The following LRRC28 variants were observed in gnomAD, a reference collection of about 807,000 sequenced individuals.
The protein encoded by LRRC28 is leucine-rich repeat-containing protein 28.
Under a neutral mutation model 45.7 loss-of-function variants are expected in LRRC28, and 39 were observed. That is an observed-to-expected ratio of 0.85 (90% CI 0.66 to 1.12). The LOEUF (loss-of-function observed/expected upper bound fraction) is 1.12, where lower values mean the gene tolerates loss of function less well. Among genes scored for constraint, LRRC28 ranks in the 50% most tolerant of loss-of-function variants. The pLI, the probability that LRRC28 is intolerant of heterozygous loss-of-function variation, is 0.00. For synonymous variants in LRRC28, 206 were observed against 178.8 expected, an observed-to-expected ratio of 1.15 and a Z score of -1.22; for missense variants, 435 against 438.5, an observed-to-expected ratio of 0.99 and a Z score of 0.07.
intron 6 of LRRC28, among the ~76,000 whole-genome samples, chr15:99,339,543 C>A (rs1956435699): frequency 6.6e-6 from 1 of 152,076 alleles, no homozygotes; most frequent in African/African-American, 2.4e-5. Context: ...CCAGCCTGGC[C>A]AAGATGGTGA....
At chr15:99,295,312 T>C (rs2082234780) in intron 5 of LRRC28, among the ~76,000 whole-genome samples, 1 of 152,246 alleles carries the variant, frequency 6.6e-6, no homozygotes, top group African/African-American at 2.4e-5. Context: ...ACTATAACAT[T>C]ATTTGTCATA....
chr15:99,263,172 G>T (rs1455640948), intron 2 of LRRC28, among the ~76,000 whole-genome samples: 1 of 146,444 alleles, frequency 6.8e-6, no homozygotes, highest in Non-Finnish European at 1.5e-5. Flanking sequence ...AAAAAAAATA[G>T]CTGGTTGTGG....
intron 2 of LRRC28, chr15:99,257,561 A>AC (rs2081058853): frequency 7.5e-6 from 4 of 532,798 alleles, no homozygotes; most frequent in African/African-American, 5.7e-5. Context: ...TGAGGATCCA[A>AC]CCCGGGGGTG....
chr15:99,355,335 G>A (rs536488136), intron 7 of LRRC28: 1 of 152,290 alleles, frequency 6.6e-6, no homozygotes, highest in South Asian at 2.1e-4. Flanking sequence ...TGTATAGCAT[G>A]GAACTGTGTT....
intron 9 of LRRC28, among the ~76,000 whole-genome samples, chr15:99,383,639 C>G (rs1957896554): frequency 6.6e-6 from 1 of 152,208 alleles, no homozygotes; most frequent in African/African-American, 2.4e-5. Flanking sequence ...ATTTTTCTCT[C>G]TCACCTCTGA....
At chr15:99,257,036 A>G (rs1203739717) in intron 2 of LRRC28, among the ~76,000 whole-genome samples, 9 of 152,206 alleles carry the variant, frequency 5.9e-5, no homozygotes, top group African/African-American at 2.2e-4. Flanking sequence ...AATATCTGGA[A>G]ATTGTATCTT....
At chr15:99,382,915 G>A (rs1002084035) in intron 9 of LRRC28, among the ~76,000 whole-genome samples, 1 of 151,694 alleles carries the variant, frequency 6.6e-6, no homozygotes, top group African/African-American at 2.4e-5. Context: ...TTCTATTTTT[G>A]GATTTATCTA....
rs915775579 is a variant in LRRC28, at chr15:99,256,322, G to A, written c.168+197G>A. 6.6e-5 allele frequency: 28 copies of A among 422,858 alleles called. No individual in the cohort carries two copies. The South Asian group carries it at 7.3e-4, about 11-fold the overall frequency. The allele number at this position is 422,858 out of a possible 1,614,324, so 26.2% of individuals were successfully genotyped here. Reference sequence around the variant, plus strand: ...AAGTTCGTGCAGTTATGAGGTTGCCGGAGAAGTTGTGTAGGAAAGCAAAAT... The same window carrying A: ...AAGTTCGTGCAGTTATGAGGTTGCCAGAGAAGTTGTGTAGGAAAGCAAAAT... On this transcript the variant is annotated intron_variant, in intron 2 of 9. Transcript: ENST00000301981.
chr15:99,380,285 T>A (rs1957778489), intron 9 of LRRC28, among the ~76,000 whole-genome samples: 1 of 152,248 alleles, frequency 6.6e-6, no homozygotes. Context: ...CCTTTACCAT[T>A]ATGTAATGGC....
intron 2 of LRRC28, among the ~76,000 whole-genome samples, chr15:99,266,940 G>A (rs948451134): frequency 2.0e-4 from 31 of 152,152 alleles, no homozygotes; most frequent in African/African-American, 7.0e-4. Flanking sequence ...AGTTGGAGAT[G>A]GATGGAGAGT....
At chr15:99,371,182 G>C (rs1957474609) in intron 9 of LRRC28, among the ~76,000 whole-genome samples, 1 of 152,170 alleles carries the variant, frequency 6.6e-6, no homozygotes, top group South Asian at 2.1e-4. Flanking sequence ...TAACTCAAAA[G>C]ACTCATCCTC....
In LRRC28 at chr15:99,386,974, C is replaced by G. The variant is rs1432619355; in HGVS notation, c.*872C>G. ...CACATTGAAATAAGACCTCCGTGTTCTTTTTTGATGGGTTTATGATTCAGT... is the reference window on the plus strand; with the variant it reads ...CACATTGAAATAAGACCTCCGTGTTGTTTTTTGATGGGTTTATGATTCAGT... On this transcript the variant is annotated 3_prime_UTR_variant, in exon 10 of 10. Coordinates refer to ENST00000301981, the MANE Select transcript of LRRC28 (RefSeq NM_144598.5). 1 of 152,046 alleles carries G rather than the reference C, an allele frequency of 6.6e-6. No homozygotes were observed. The highest frequency in any genetic ancestry group is 2.4e-5 in the African/African-American group (1 of 41,368). 9.4% of individuals were successfully genotyped at this position (152,046 alleles called of 1,614,324 possible). A position where few individuals can be genotyped will look rare whatever the true frequency, so the allele number is the denominator to read the frequency against.
rs117621395 is a variant in LRRC28, at chr15:99,301,644, C to T, written c.385+13693C>T. Among the ~76,000 whole-genome samples the T allele has an allele frequency of 5.7e-3, 863 of 152,276 alleles. 3 individuals are homozygous for T. The highest frequency in any genetic ancestry group is 9.9e-3 in the South Asian group (48 of 4,826). ...TATTCATTCTACCATTAAAACTCAA[C>T]ATTTTTAAATTTATACTAGCTCTAG... is the stretch of plus-strand genomic sequence containing the variant. On this transcript the variant is annotated intron_variant, in intron 5 of 9. Coordinates refer to ENST00000301981, the MANE Select transcript of LRRC28 (RefSeq NM_144598.5).
chr15:99,273,446 A>C lies in LRRC28; in HGVS notation c.169-3130A>C, dbSNP rs543448474. ...TAGAGACAGGGTTTCACCGTGTTAG[A>C]CAGGATGGTCTTGATCTGCTGACCT... is the stretch of plus-strand genomic sequence containing the variant. On this transcript the variant is annotated intron_variant, in intron 2 of 9. Transcript: ENST00000301981. Among the ~76,000 whole-genome samples, 24 of 149,434 alleles carry C rather than the reference A, an allele frequency of 1.6e-4. No individual in the cohort carries two copies. In the South Asian group the frequency reaches 1.7e-3, roughly 10 times the overall value.
chr15:99,295,620 C>T (rs1183099391), intron 5 of LRRC28, among the ~76,000 whole-genome samples: 3 of 152,170 alleles, frequency 2.0e-5, no homozygotes, highest in African/African-American at 4.8e-5. Context: ...AAAGAAACAA[C>T]AAAAAGTAAC....
chr15:99,357,796 A>T (rs1957088236), intron 7 of LRRC28, among the ~76,000 whole-genome samples: 1 of 152,144 alleles, frequency 6.6e-6, no homozygotes, highest in South Asian at 2.1e-4. Context: ...ATGTTAAGAG[A>T]AACTTTTGAT....
rs1254288777 is a variant in LRRC28 at position 99,363,272 on chromosome 15, A to T, written c.1031+7A>T. On this transcript the variant is annotated splice_region_variant and intron_variant, in intron 9 of 9. Coordinates refer to ENST00000301981, the MANE Select transcript of LRRC28 (RefSeq NM_144598.5). ...TGGCAGGGCTGCACCAGTGGTAATCATGCCTAAGTGGGCACCAGGGTTTAC... is the reference window on the plus strand; with the variant it reads ...TGGCAGGGCTGCACCAGTGGTAATCTTGCCTAAGTGGGCACCAGGGTTTAC... 1 of 1,613,682 alleles carries T rather than the reference A, an allele frequency of 6.2e-7. No individual in the cohort carries two copies. The highest frequency in any genetic ancestry group is 1.1e-5 in the South Asian group (1 of 91,044).
chr15:99,281,885 C>T (rs2081803056), intron 3 of LRRC28, among the ~76,000 whole-genome samples: 1 of 149,680 alleles, frequency 6.7e-6, no homozygotes, highest in African/African-American at 2.4e-5. Context: ...GAATGTCTCT[C>T]AACACTGTGA....
At chr15:99,340,412 A>G (rs572731932) in intron 6 of LRRC28, among the ~76,000 whole-genome samples, 1 of 152,370 alleles carries the variant, frequency 6.6e-6, no homozygotes, top group South Asian at 2.1e-4. Flanking sequence ...ATTTGCTTAG[A>G]AAGTCAGGAA....
Sources: gnomAD v4.1 joint callset for allele counts (sites outside exome capture counted in the v4.1 genomes callset) on GRCh38, gnomAD v4.1.1 for gene constraint, MANE v1.5 for transcripts, NCBI Gene and HGNC (gene_info 2026-07-23, HGNC 2026-07-21) for gene names.